WDR37: variants seen among roughly 807,000 people sequenced by gnomAD.
The protein encoded by WDR37 is WD repeat-containing protein 37.
A neutral mutation model predicts 62.9 loss-of-function variants in WDR37; 19 were observed. The ratio of observed to expected loss-of-function variants is 0.30; its 90% confidence interval spans 0.21 to 0.44. The LOEUF (loss-of-function observed/expected upper bound fraction) is 0.44, where lower values mean the gene tolerates loss of function less well. Among genes scored for constraint, WDR37 ranks in the 20% least tolerant of loss-of-function variants. WDR37 has a pLI of 1.00. For missense variants in WDR37, 474 were observed against 657.6 expected, an observed-to-expected ratio of 0.72 and a Z score of 3.05; for synonymous variants, 250 against 260.9, an observed-to-expected ratio of 0.96 and a Z score of 0.40.
intron 6 of WDR37, 87 bp downstream of exon 6, chr10:1,084,625 G>A: frequency 4.5e-6 from 7 of 1,561,530 alleles, no homozygotes; most frequent in Non-Finnish European, 6.1e-6. Flanking sequence ...CTGTGGCAGA[G>A]GAACCCTAGA....
Position 1,074,250 on chromosome 10 carries a change from C to T in WDR37, c.138+1957C>T. ...AGTGGAAACCCTGCAGCCTCCCCTG[C>T]TGGCATGTTCTAGAGTTGTCTCCTG... On this transcript the variant is annotated intron_variant, in intron 2 of 13. Transcript: ENST00000263150. The T allele has an allele frequency of 4.8e-6, 5 of 1,042,864 alleles. No individual in the cohort carries two copies. In the South Asian group the frequency reaches 5.1e-5, roughly 11 times the overall value. The allele number at this position is 1,042,864 out of a possible 1,614,324, so 64.6% of individuals were successfully genotyped here.
intron 13 of WDR37, among the ~76,000 whole-genome samples, chr10:1,126,402 T>G (rs1411408245): frequency 7.8e-6 from 1 of 127,722 alleles, no homozygotes; most frequent in Non-Finnish European, 1.6e-5. Context: ...CGAGACTGTG[T>G]CTCAGAAAAA....
rs866616189 is a variant in WDR37, at chr10:1,105,067, G to A, written c.962-59G>A. On this transcript the variant is annotated intron_variant, in intron 10 of 13. Coordinates refer to ENST00000263150, the MANE Select transcript of WDR37 (RefSeq NM_014023.4). The surrounding 1 kb of genome is among the most constrained non-coding windows in gnomAD (Gnocchi z 5.3). ...TCTTGGGTTCTTGTGCTGTTGAAAA[G>A]CGTCTCTCTCAGCGTGCTCCTCAGG... is the stretch of plus-strand genomic sequence containing the variant. 11 of 1,591,688 alleles carry A rather than the reference G, an allele frequency of 6.9e-6. No individual in the cohort carries two copies. Among genetic ancestry groups the A allele is most frequent in the Middle Eastern group, 3.3e-4 (2 of 5,974 alleles).
intron 1 of WDR37, among the ~76,000 whole-genome samples, chr10:1,067,251 C>G (rs1185924176): frequency 6.6e-6 from 1 of 151,860 alleles, no homozygotes; most frequent in Admixed American, 6.6e-5. Context: ...AAACAAACAA[C>G]AAAAAAACCT....
chr10:1,072,632 G>C (rs560445613), intron 2 of WDR37, among the ~76,000 whole-genome samples: 2 of 152,142 alleles, frequency 1.3e-5, no homozygotes, highest in African/African-American at 4.8e-5. Flanking sequence ...TTATTTTAAA[G>C]ATGGTGATTG....
At chr10:1,088,810 G>T (rs574623214) in intron 7 of WDR37, among the ~76,000 whole-genome samples, 1 of 152,232 alleles carries the variant, frequency 6.6e-6, no homozygotes, top group South Asian at 2.1e-4. Flanking sequence ...TTCAACGCAG[G>T]GTTGCCACAA....
chr10:1,126,362 C>A (rs566508729), intron 13 of WDR37, among the ~76,000 whole-genome samples: 5 of 149,810 alleles, frequency 3.3e-5, no homozygotes, highest in South Asian at 2.1e-4. Context: ...GCTGAGATCG[C>A]GCCACTGCAC....
chr10:1,110,022 G>T (rs969276465), intron 11 of WDR37, among the ~76,000 whole-genome samples: 3 of 152,194 alleles, frequency 2.0e-5, no homozygotes, highest in Non-Finnish European at 4.4e-5. Context: ...ACGTGGACCA[G>T]ACCTGCCCGG....
intron 11 of WDR37, among the ~76,000 whole-genome samples, chr10:1,108,081 G>A (rs1366137362): frequency 6.6e-6 from 1 of 152,198 alleles, no homozygotes; most frequent in Non-Finnish European, 1.5e-5. Flanking sequence ...GAAAACTCCA[G>A]CATGCATTTT....
intron 11 of WDR37, among the ~76,000 whole-genome samples, chr10:1,119,312 C>T (rs547429320): frequency 2.6e-5 from 4 of 152,292 alleles, no homozygotes; most frequent in African/African-American, 9.6e-5. Context: ...AATGGGTCTT[C>T]TTTCTTTGTG....
In WDR37 at chr10:1,131,256, G is replaced by A. The variant is rs537726314; in HGVS notation, c.*1912G>A. 3.9e-5 allele frequency: 6 copies of A among 152,388 alleles called. No homozygotes were observed. The highest frequency in any genetic ancestry group is 1.4e-4 in the African/African-American group (6 of 41,578). The allele number at this position is 152,388 out of a possible 1,614,324, so 9.4% of individuals were successfully genotyped here. Reference sequence around the variant, plus strand: ...CATACAAAGGTCTGAGCCCAGGGCAGCTTCTGGGGCCACTGCACAGGCCAC... The same window carrying A: ...CATACAAAGGTCTGAGCCCAGGGCAACTTCTGGGGCCACTGCACAGGCCAC... On this transcript the variant is annotated 3_prime_UTR_variant, in exon 14 of 14. Coordinates refer to ENST00000263150, the MANE Select transcript of WDR37 (RefSeq NM_014023.4).
At chr10:1,060,792 C>G (rs762802817) in intron 1 of WDR37, among the ~76,000 whole-genome samples, 27 of 152,190 alleles carry the variant, frequency 1.8e-4, no homozygotes, top group South Asian at 2.1e-4. Context: ...GATTGTAATA[C>G]TCTATTTTTA....
chr10:1,065,960 C>T (rs1028134682), intron 1 of WDR37, among the ~76,000 whole-genome samples: 2 of 151,742 alleles, frequency 1.3e-5, no homozygotes, highest in African/African-American at 4.8e-5. Context: ...AAATCTTGAA[C>T]TTTAGGTTCA....
At chr10:1,120,778 C>T (rs915068477) in intron 11 of WDR37, among the ~76,000 whole-genome samples, 1 of 152,196 alleles carries the variant, frequency 6.6e-6, no homozygotes, top group African/African-American at 2.4e-5. Flanking sequence ...GCTTTGTGGC[C>T]CAGTGTTTTC....
intron 8 of WDR37, among the ~76,000 whole-genome samples, chr10:1,095,485 C>T (rs1038146220): frequency 2.0e-5 from 3 of 152,104 alleles, no homozygotes; most frequent in South Asian, 2.1e-4. Flanking sequence ...CAAGTCCGGG[C>T]AGTACATTCA....
At chr10:1,086,668 C>T (rs1834212230) in intron 7 of WDR37, among the ~76,000 whole-genome samples, 2 of 152,128 alleles carry the variant, frequency 1.3e-5, no homozygotes, top group Non-Finnish European at 2.9e-5. Flanking sequence ...TCACAAAATA[C>T]ATATCTGTTT....
intron 7 of WDR37, among the ~76,000 whole-genome samples, chr10:1,088,165 T>G (rs1834263622): frequency 6.6e-6 from 1 of 152,236 alleles, no homozygotes; most frequent in African/African-American, 2.4e-5. Flanking sequence ...AAGGGAATGT[T>G]GTGGCTGGTT....
chr10:1,077,507 G>A (rs1833914151), intron 2 of WDR37, among the ~76,000 whole-genome samples: 1 of 152,104 alleles, frequency 6.6e-6, no homozygotes, highest in South Asian at 2.1e-4. Flanking sequence ...CTTCCATGAG[G>A]GTCTAGCAGA....
intron 7 of WDR37, among the ~76,000 whole-genome samples, chr10:1,091,262 T>A (rs557816290): frequency 6.6e-6 from 1 of 152,292 alleles, no homozygotes; most frequent in African/African-American, 2.4e-5. Flanking sequence ...AAAGTGAAAA[T>A]TGATGATTGA....
Sources: allele counts gnomAD v4.1 joint callset (sites outside exome capture counted in the v4.1 genomes callset), GRCh38; gene constraint gnomAD v4.1.1; non-coding constraint Gnocchi (gnomAD v3.1); transcripts MANE v1.5; gene names NCBI Gene and HGNC (gene_info 2026-07-23, HGNC 2026-07-21).